Variants in C5orf52 observed in about 807,000 individuals in gnomAD.
C5orf52 encodes the protein chromosome 5 open reading frame 52.
A neutral mutation model predicts 16.8 loss-of-function variants in C5orf52; 15 were observed. That is an observed-to-expected ratio of 0.89 (90% confidence interval 0.60 to 1.38). The LOEUF (loss-of-function observed/expected upper bound fraction) is 1.38, where lower values mean the gene tolerates loss of function less well. Among genes scored for constraint, C5orf52 ranks in the 40% most tolerant of loss-of-function variants. The pLI is 0.00. For missense variants in C5orf52, 206 were observed against 213.1 expected, an observed-to-expected ratio of 0.97 and a Z score of 0.21; for synonymous variants, 83 against 87.2, an observed-to-expected ratio of 0.95 and a Z score of 0.27.
At chr5:157,679,629 G>A (rs989465089) in intron 2 of C5orf52, among the ~76,000 whole-genome samples, 9 of 152,168 alleles carry the variant, frequency 5.9e-5, no homozygotes, top group Admixed American at 3.9e-4. Flanking sequence ...GAGCCACTGC[G>A]CCAGTCCTTG....
chr5:157,673,171 C>T lies in C5orf52; in HGVS notation c.212+1345C>T, dbSNP rs370469133. On this transcript the variant is annotated intron_variant, in intron 1 of 2. Transcript: ENST00000409999. ...AGGTCAACATGGCGAAACCCTGTCTCTACCAAAAATGCAAAAAATTAGCCG... is the reference window on the plus strand; with the variant it reads ...AGGTCAACATGGCGAAACCCTGTCTTTACCAAAAATGCAAAAAATTAGCCG... Among the ~76,000 whole-genome samples the T allele has an allele frequency of 9.2e-5, 14 of 151,904 alleles. No individual in the cohort carries two copies. The East Asian group carries it at 1.8e-3, about 19-fold the overall frequency.
rs115310940 is a variant in C5orf52, at chr5:157,671,612, G to T, written c.-3G>T. On this transcript the variant is annotated 5_prime_UTR_variant, in exon 1 of 3. Coordinates refer to ENST00000409999, the MANE Select transcript of C5orf52 (RefSeq NM_001145132.2). ...CAACTCTTTCTCCAACAGGGAAGCC[G>T]CAATGACACAGCCGACTAGGCCCTC... 5 of 1,545,164 alleles carry T rather than the reference G, an allele frequency of 3.2e-6. No individual in the cohort carries two copies. The highest frequency in any genetic ancestry group is 2.5e-5 in the East Asian group (1 of 40,750).
In C5orf52 at chr5:157,671,672, G is replaced by T. The variant is rs1266037156; in HGVS notation, c.58G>T (p.Gly20Trp). The T allele has an allele frequency of 6.4e-7, 1 of 1,551,292 alleles. No homozygotes were observed. Among genetic ancestry groups the T allele is most frequent in the Admixed American group, 2.0e-5 (1 of 50,994 alleles). Reference sequence around the variant, plus strand: ...TGACCAGGGATCCTCCACGATCGGCGGGACCGCCGCCCAGGCGACCACCAG... The same window carrying T: ...TGACCAGGGATCCTCCACGATCGGCTGGACCGCCGCCCAGGCGACCACCAG... ...TCDQGSSTIG[G>W]TAAQATTSSS... Residue 20 changes from glycine (G) to tryptophan (W), a missense_variant, in exon 1 of 3, where the codon GGG becomes TGG. By Grantham distance (184) the Gly-to-Trp change is radical. Coordinates refer to ENST00000409999, the MANE Select transcript of C5orf52 (RefSeq NM_001145132.2).
Position 157,671,765 on chromosome 5 carries a change from G to C in C5orf52, c.151G>C (p.Gly51Arg). The change falls in exon 1 of 3, where the codon GGG becomes CGG. Residue 51 changes from glycine to arginine, a missense_variant. By Grantham distance (125) the Gly-to-Arg change is moderately radical. Transcript: ENST00000409999. ...CGGCCGCCGCCCAGAAATCGGCGTA[G>C]GGGGTCAGCCGCAGATCTGCTTTCC... Reference protein sequence around the residue: ...RLGRRPEIGVGGQPQICFPRP... With the variant: ...RLGRRPEIGVRGQPQICFPRP... 1 of 1,550,704 alleles carries C rather than the reference G, an allele frequency of 6.4e-7. No homozygotes were observed. Among genetic ancestry groups the C allele is most frequent in the Non-Finnish European group, 8.7e-7 (1 of 1,146,608 alleles).
At chr5:157,675,037 C>A in intron 1 of C5orf52, 55 bp from the exon 2 acceptor site, 1 of 1,216,882 alleles carries the variant, frequency 8.2e-7, no homozygotes, top group South Asian at 1.3e-5. Context: ...CAAATGTGCT[C>A]TGGCCCAGGC....
At chr5:157,679,748 C>T (rs1759971163) in intron 2 of C5orf52, 93 bp from the exon 3 acceptor site, 2 of 1,212,050 alleles carry the variant, frequency 1.7e-6, no homozygotes, top group Admixed American at 2.8e-5. Context: ...CCCACTCCCC[C>T]ATCAGTAGCA....
intron 2 of C5orf52, among the ~76,000 whole-genome samples, chr5:157,679,092 CCA>C (rs1300071270): frequency 6.6e-6 from 1 of 151,614 alleles, no homozygotes; most frequent in Non-Finnish European, 1.5e-5. Flanking sequence ...TGAGATCGCG[CCA>C]CTGCACTCCA....
rs1051976845 is a variant in C5orf52, at chr5:157,679,919, C to G, written c.400C>G (p.Leu134Val). 1.3e-6 allele frequency: 2 copies of G among 1,551,750 alleles called. No individual in the cohort carries two copies. The highest frequency in any genetic ancestry group is 1.7e-6 in the Non-Finnish European group (2 of 1,147,006). Residue 134 changes from leucine (L) to valine (V), a missense_variant, in exon 3 of 3, where the codon CTC becomes GTC. Leu to Val is a conservative substitution (Grantham distance 32, BLOSUM62 1). Coordinates refer to ENST00000409999, the MANE Select transcript of C5orf52 (RefSeq NM_001145132.2). ...GAAAAAAAAGTTCATGACAGAGCAG[C>G]TCAGAAAGCTCGGGCGATGGAGAGA... is the stretch of plus-strand genomic sequence containing the variant. ...HLKKKFMTEQ[L>V]RKLGRWREES... is the part of the protein sequence containing the mutation.
chr5:157,675,115 C>A lies in C5orf52; in HGVS notation c.236C>A (p.Ala79Glu). The A allele has an allele frequency of 5.2e-6, 8 of 1,550,604 alleles. No individual in the cohort carries two copies. The highest frequency in any genetic ancestry group is 7.0e-6 in the Non-Finnish European group (8 of 1,145,986). The change falls in exon 2 of 3, where the codon GCG becomes GAG. Residue 79 changes from alanine to glutamate, a missense_variant. Physicochemically the swap from Ala to Glu is moderately radical, Grantham distance 107. Transcript: ENST00000409999. ...LFSLMNSSEAAMKKTLPKSHL... is the reference protein window; with the variant it reads ...LFSLMNSSEAEMKKTLPKSHL... ...AGCTTAATGAATTCCAGTGAAGCAGCGATGAAAAAAACTTTACCCAAGAGC... is the reference window on the plus strand; with the variant it reads ...AGCTTAATGAATTCCAGTGAAGCAGAGATGAAAAAAACTTTACCCAAGAGC...
chr5:157,671,797 G>A lies in C5orf52; in HGVS notation c.183G>A (p.Pro61=), dbSNP rs1759797489. 6.5e-7 allele frequency: 1 copy of A among 1,544,898 alleles called. No individual in the cohort carries two copies. Among genetic ancestry groups the A allele is most frequent in the Admixed American group, 2.0e-5 (1 of 50,556 alleles). ...AGCCGCAGATCTGCTTTCCGCGGCC[G>A]AGGTCCGCGCAGCAGCCGGTGCTGT... ...GGQPQICFPR[P]RSAQQPVLFS... The change falls in exon 1 of 3, where the codon CCG becomes CCA. Residue 61 remains proline, a synonymous_variant. Coordinates refer to ENST00000409999, the MANE Select transcript of C5orf52 (RefSeq NM_001145132.2).
intron 2 of C5orf52, among the ~76,000 whole-genome samples, chr5:157,676,877 T>C (rs1219232746): frequency 6.2e-5 from 9 of 144,594 alleles, no homozygotes; most frequent in African/African-American, 2.4e-4. Context: ...TTTTCTTTTT[T>C]TTTTTTTTTG....
intron 2 of C5orf52, among the ~76,000 whole-genome samples, chr5:157,679,421 C>G (rs889813469): frequency 3.9e-5 from 6 of 152,108 alleles, no homozygotes; most frequent in African/African-American, 1.4e-4. Flanking sequence ...ACTGCAGCCT[C>G]CACCTCCTGG....
intron 2 of C5orf52, among the ~76,000 whole-genome samples, chr5:157,677,942 C>A (rs1759933870): frequency 6.6e-6 from 1 of 152,080 alleles, no homozygotes; most frequent in Non-Finnish European, 1.5e-5. Flanking sequence ...CAAGATTGTG[C>A]CACTGCACTC....
intron 1 of C5orf52, among the ~76,000 whole-genome samples, chr5:157,672,615 C>A (rs1759818129): frequency 6.6e-6 from 1 of 152,054 alleles, no homozygotes; most frequent in South Asian, 2.1e-4. Context: ...TCTAAACCAG[C>A]CTTTTCCATC....
chr5:157,672,935 T>C (rs971997082), intron 1 of C5orf52, among the ~76,000 whole-genome samples: 2 of 151,220 alleles, frequency 1.3e-5, no homozygotes, highest in African/African-American at 2.4e-5. Flanking sequence ...GGATTACAGG[T>C]GTGAGCCACT....
chr5:157,679,262 A>G (rs896503035), intron 2 of C5orf52, among the ~76,000 whole-genome samples: 1 of 152,324 alleles, frequency 6.6e-6, no homozygotes, highest in African/African-American at 2.4e-5. Context: ...GAGTAAATGC[A>G]TAAGACATAG....
intron 1 of C5orf52, among the ~76,000 whole-genome samples, chr5:157,672,862 G>C (rs1277261700): frequency 6.6e-6 from 1 of 151,828 alleles, no homozygotes; most frequent in Non-Finnish European, 1.5e-5. Context: ...CACCATGTTG[G>C]CCAGTCTGGT....
chr5:157,675,914 C>T (rs937718570), intron 2 of C5orf52, among the ~76,000 whole-genome samples: 2 of 152,106 alleles, frequency 1.3e-5, no homozygotes, highest in African/African-American at 2.4e-5. Context: ...CCCCACTGTT[C>T]CCATAGACCC....
rs535370952 is a variant in C5orf52 at position 157,679,773 on chromosome 5, G to C, written c.322-68G>C. On this transcript the variant is annotated intron_variant, in intron 2 of 2. Transcript: ENST00000409999. ...CATCAGTAGCACAGATGTCTGCCCT[G>C]CTGCGAAGTAATCCTAATCTCACCT... is the stretch of plus-strand genomic sequence containing the variant. 979 of 1,434,084 alleles carry C rather than the reference G, an allele frequency of 6.8e-4. 16 individuals carry two copies. The South Asian group carries it at 0.011, about 16-fold the overall frequency. The allele number at this position is 1,434,084 out of a possible 1,614,324, so 88.8% of individuals were successfully genotyped here.
Sources: allele counts gnomAD v4.1 joint callset (sites outside exome capture counted in the v4.1 genomes callset), GRCh38; gene constraint gnomAD v4.1.1; transcripts MANE v1.5; gene names NCBI Gene and HGNC (gene_info 2026-07-23, HGNC 2026-07-21).